WLS: variants seen among roughly 807,000 people sequenced by gnomAD.
WLS encodes protein wntless homolog.
WLS carries 23 observed loss-of-function variants against 62.8 expected under a neutral mutation model. That is an observed-to-expected ratio of 0.37 (90% CI 0.26 to 0.52). The LOEUF is 0.52. WLS is among the 20% of genes least tolerant of loss of function. WLS has a pLI of 0.92. For missense variants in WLS, 615 were observed against 697.3 expected (o/e 0.88, Z 1.33); for synonymous variants, 246 against 244.1 (o/e 1.01, Z -0.07).
At chr1:68,120,484 T>C (rs1646350327), downstream of WLS, among the ~76,000 whole-genome samples, 1 of 152,232 alleles carries the variant, frequency 6.6e-6, no homozygotes, top group Non-Finnish European at 1.5e-5. Context: ...GCAAATATGC[T>C]ACTGGAAAGA....
At position 68,115,282 on chromosome 1, in the gene WLS, C is replaced by G. The variant is rs542367251; in HGVS notation, c.1511-16529G>C. Among the ~76,000 whole-genome samples the G allele has an allele frequency of 2.6e-5, 4 of 152,310 alleles. No homozygotes were observed. In the East Asian group the frequency reaches 7.7e-4, roughly 29 times the overall value. On this transcript the variant is annotated intron_variant, in intron 11 of 11. Coordinates refer to the WLS transcript ENST00000354777. ...GAAGATCTGTTGCTTCCAGATTGCA[C>G]CAACACACATGCCTAGAACCCCAGT...
chr1:68,162,659 G>T (rs796404102), intron 2 of WLS: 1 of 1,235,324 alleles, frequency 8.1e-7, no homozygotes, highest in Non-Finnish European at 1.2e-6. Context: ...CTCTGGTACA[G>T]ATTGAGGATG....
chr1:68,209,041 G>A lies in WLS; in HGVS notation c.107-14814C>T, dbSNP rs560591426. ...TAATGGCATTTTGGGTTGAATAACT[G>A]TTGTGGGGGTTTGGCTTGTGCACTG... is the stretch of plus-strand genomic sequence containing the variant. On this transcript the variant is annotated intron_variant, in intron 1 of 11. Coordinates refer to ENST00000262348, the MANE Select transcript of WLS (RefSeq NM_024911.7). Among the ~76,000 whole-genome samples the A allele has an allele frequency of 1.3e-3, 204 of 152,284 alleles. No individual in the cohort carries two copies. In the Middle Eastern group the frequency reaches 0.017, roughly 13 times the overall value.
chr1:68,099,527 G>A (rs9436796), intron 11 of WLS, among the ~76,000 whole-genome samples: 10,246 of 152,216 alleles, frequency 0.067, 1,104 homozygotes, highest in African/African-American at 0.23. Context: ...CTTTGTGGAT[G>A]CCAAACTCTG....
chr1:68,109,786 C>G (rs1646197517), intron 11 of WLS, among the ~76,000 whole-genome samples: 1 of 151,952 alleles, frequency 6.6e-6, no homozygotes, highest in South Asian at 2.1e-4. Flanking sequence ...ACTACCTTCT[C>G]CAAACTTATT....
chr1:68,117,400 T>C (rs757738290), intron 11 of WLS: 1 of 152,266 alleles, frequency 6.6e-6, no homozygotes, highest in Non-Finnish European at 1.5e-5. Flanking sequence ...AGCCAAGGCC[T>C]TCTGCTGTCC....
intron 2 of WLS, among the ~76,000 whole-genome samples, chr1:68,175,533 G>T (rs75855702): frequency 0.067 from 10,219 of 152,232 alleles, 378 homozygotes; most frequent in Admixed American, 0.096. Flanking sequence ...ACTACAGTTG[G>T]ATCATAGGCT....
At chr1:68,208,375 T>G (rs953081054) in intron 1 of WLS, among the ~76,000 whole-genome samples, 1 of 152,080 alleles carries the variant, frequency 6.6e-6, no homozygotes, top group African/African-American at 2.4e-5. Flanking sequence ...AGGATTCAAC[T>G]ATTGCTAGAT....
chr1:68,183,238 A>C (rs1647692803), intron 2 of WLS, among the ~76,000 whole-genome samples: 1 of 152,208 alleles, frequency 6.6e-6, no homozygotes. Flanking sequence ...GTCATAAATT[A>C]AAGAAGACAT....
intron 2 of WLS, chr1:68,162,510 C>T (rs555950961): frequency 2.1e-5 from 34 of 1,613,444 alleles, no homozygotes; most frequent in Admixed American, 5.0e-5. Context: ...GAACTGCAAC[C>T]GCCTACCCCC....
At chr1:68,136,559 A>G (rs1646613136) in intron 11 of WLS, among the ~76,000 whole-genome samples, 1 of 152,228 alleles carries the variant, frequency 6.6e-6, no homozygotes, top group African/African-American at 2.4e-5. Context: ...TTAATGTACT[A>G]AAGGCATTAA....
At chr1:68,128,389 A>G (rs562169893) in intron 11 of WLS, among the ~76,000 whole-genome samples, 6 of 152,340 alleles carry the variant, frequency 3.9e-5, no homozygotes, top group Non-Finnish European at 8.8e-5. Context: ...GGATTTGCAT[A>G]TCTGGGCTAG....
chr1:68,102,725 C>T (rs984024817), intron 11 of WLS: 1 of 152,208 alleles, frequency 6.6e-6, no homozygotes, highest in Middle Eastern at 3.2e-3. Flanking sequence ...TCTTATTATA[C>T]AGGTAAAAAG....
At chr1:68,101,557 C>A (rs1347307646) in intron 11 of WLS, among the ~76,000 whole-genome samples, 1 of 152,212 alleles carries the variant, frequency 6.6e-6, no homozygotes, top group Non-Finnish European at 1.5e-5. Flanking sequence ...CAACCACTCA[C>A]TCTAGTGTGT....
chr1:68,150,861 CT>C (rs1244001512), intron 5 of WLS, among the ~76,000 whole-genome samples: 2 of 152,214 alleles, frequency 1.3e-5, no homozygotes, highest in East Asian at 1.9e-4. Flanking sequence ...TACTCTTCCC[CT>C]GTCACACTAA....
At chr1:68,209,662 C>A (rs978802903) in intron 1 of WLS, among the ~76,000 whole-genome samples, 3 of 152,154 alleles carry the variant, frequency 2.0e-5, no homozygotes, top group Admixed American at 2.0e-4. Flanking sequence ...TGCCTGTAAT[C>A]CCAGCTACTC....
chr1:68,188,195 A>T (rs974984625), intron 2 of WLS, among the ~76,000 whole-genome samples: 2 of 152,236 alleles, frequency 1.3e-5, no homozygotes, highest in African/African-American at 4.8e-5. Flanking sequence ...GTCAATTCTT[A>T]ACTTCTTAAC....
At chr1:68,153,407 C>T in intron 5 of WLS, 110 bp downstream of exon 5, 1 of 1,457,718 alleles carries the variant, frequency 6.9e-7, no homozygotes, top group African/African-American at 1.4e-5. Flanking sequence ...GGTCAAATCA[C>T]TGGCCTAAGT....
intron 11 of WLS, among the ~76,000 whole-genome samples, chr1:68,127,503 C>T (rs1331829084): frequency 6.6e-6 from 1 of 152,142 alleles, no homozygotes; most frequent in African/African-American, 2.4e-5. Context: ...AACTCTGCTA[C>T]CTGCCATAAG....
Sources: allele counts gnomAD v4.1 joint callset (sites outside exome capture counted in the v4.1 genomes callset), GRCh38; gene constraint gnomAD v4.1.1; transcripts MANE v1.5; gene names NCBI Gene and HGNC (gene_info 2026-07-23, HGNC 2026-07-21).